Variants in NTM observed in about 807,000 individuals in gnomAD.
The protein encoded by NTM is IgLON family member 2.
A neutral mutation model predicts 42.1 loss-of-function variants in NTM; 13 were observed. The ratio of observed to expected loss-of-function variants is 0.31; its 90% confidence interval spans 0.20 to 0.49. The LOEUF (loss-of-function observed/expected upper bound fraction) is 0.49. Ranked by LOEUF, NTM falls within the 20% of genes least tolerant of loss-of-function variation. The pLI is 0.99. For synonymous variants in NTM, 187 were observed against 179.2 expected, an observed-to-expected ratio of 1.04 and a Z score of -0.35; for missense variants, 373 against 452.8, an observed-to-expected ratio of 0.82 and a Z score of 1.60.
At chr11:132,087,487 T>G (rs1250494851) in intron 2 of NTM, among the ~76,000 whole-genome samples, 1 of 152,044 alleles carries the variant, frequency 6.6e-6, no homozygotes, top group Non-Finnish European at 1.5e-5. Context: ...TGGAATTGAG[T>G]TTGGGACAAA....
chr11:131,960,326 A>G lies in NTM; in HGVS notation c.167+48678A>G, dbSNP rs761489234. Among the ~76,000 whole-genome samples the G allele has an allele frequency of 3.2e-4, 49 of 152,138 alleles. 2 individuals are homozygous for G. The highest frequency in any genetic ancestry group is 2.2e-4 in the Non-Finnish European group (15 of 68,030). On this transcript the variant is annotated intron_variant, in intron 2 of 8. Transcript: ENST00000683400. Reference sequence around the variant, plus strand: ...TGTCATCTCCTACATGATCGTTAGGACTTAGGGGCTTCAGTTCTGCTAGAA... The same window carrying G: ...TGTCATCTCCTACATGATCGTTAGGGCTTAGGGGCTTCAGTTCTGCTAGAA...
intron 2 of NTM, among the ~76,000 whole-genome samples, chr11:132,036,938 C>G (rs909246208): frequency 1.3e-5 from 2 of 152,130 alleles, no homozygotes; most frequent in Non-Finnish European, 2.9e-5. Context: ...GGGGTCAGCA[C>G]TGAATGCACG....
intron 7 of NTM, among the ~76,000 whole-genome samples, chr11:132,320,815 G>C (rs577433006): frequency 6.6e-6 from 1 of 151,434 alleles, no homozygotes; most frequent in Non-Finnish European, 1.5e-5. Context: ...CTCCCAGTAC[G>C]CAGCTGGAGA....
chr11:131,788,032 T>C (rs780950185), intron 1 of NTM, among the ~76,000 whole-genome samples: 29 of 152,248 alleles, frequency 1.9e-4, no homozygotes, highest in Non-Finnish European at 3.7e-4. Context: ...TTGTTTTCTC[T>C]GTTTTCTTCT....
chr11:131,424,126 A>C (rs1307669494), intron 1 of NTM, among the ~76,000 whole-genome samples: 1 of 152,330 alleles, frequency 6.6e-6, no homozygotes, highest in East Asian at 1.9e-4. Context: ...CCTTTGACTG[A>C]CGTTATGATG....
At chr11:131,582,565 T>TA (rs2058502189) in intron 1 of NTM, among the ~76,000 whole-genome samples, 1 of 150,782 alleles carries the variant, frequency 6.6e-6, no homozygotes, top group African/African-American at 2.5e-5. Flanking sequence ...TAATTTTTTT[T>TA]AACTCTAGAT....
intron 1 of NTM, among the ~76,000 whole-genome samples, chr11:131,399,537 A>G (rs1944900177): frequency 6.6e-6 from 1 of 152,174 alleles, no homozygotes. Context: ...ACTGAAGAGG[A>G]TAGTTGAACT....
chr11:132,307,423 T>A (rs2095127781), intron 4 of NTM, among the ~76,000 whole-genome samples: 1 of 152,168 alleles, frequency 6.6e-6, no homozygotes, highest in South Asian at 2.1e-4. Context: ...AATCACTTAT[T>A]GGGACCAGTA....
chr11:132,104,044 A>AGAGTATAT (rs1313326659), intron 2 of NTM, among the ~76,000 whole-genome samples: 11 of 152,230 alleles, frequency 7.2e-5, no homozygotes, highest in Non-Finnish European at 1.2e-4. Flanking sequence ...GTCATTCTAC[A>AGAGTATAT]GAGTATATCT....
At chr11:131,681,770 C>T (rs1224570224) in intron 1 of NTM, among the ~76,000 whole-genome samples, 3 of 95,754 alleles carry the variant, frequency 3.1e-5, no homozygotes. Flanking sequence ...TGTGTGTGAG[C>T]GTGTGTGTTT....
intron 1 of NTM, among the ~76,000 whole-genome samples, chr11:131,496,490 G>A (rs567596970): frequency 5.9e-5 from 9 of 152,320 alleles, no homozygotes; most frequent in South Asian, 2.1e-4. Context: ...GGCCAGGGCC[G>A]GCACAACCGC....
chr11:132,091,498 T>C (rs1374077365), intron 2 of NTM, among the ~76,000 whole-genome samples: 1 of 151,972 alleles, frequency 6.6e-6, no homozygotes, highest in Non-Finnish European at 1.5e-5. Context: ...TTTATTTTAT[T>C]GAGACAAGGT....
chr11:131,558,051 C>T (rs1380280245), intron 1 of NTM, among the ~76,000 whole-genome samples: 1 of 152,154 alleles, frequency 6.6e-6, no homozygotes, highest in Non-Finnish European at 1.5e-5. Flanking sequence ...CCAGGAAGCG[C>T]CTTAATGAAC....
intron 1 of NTM, chr11:131,795,057 C>A: frequency 1.2e-6 from 1 of 806,782 alleles, no homozygotes; most frequent in Non-Finnish European, 1.5e-6. Context: ...AAAAAAACAG[C>A]ACTAGTGATG....
At chr11:131,528,093 CT>C (rs1176951852) in intron 1 of NTM, among the ~76,000 whole-genome samples, 1 of 152,170 alleles carries the variant, frequency 6.6e-6, no homozygotes, top group Non-Finnish European at 1.5e-5. Context: ...ACCTGGAAGA[CT>C]TCTGGTCCCA....
intron 1 of NTM, among the ~76,000 whole-genome samples, chr11:131,616,381 G>A (rs2061940881): frequency 1.3e-5 from 2 of 152,176 alleles, no homozygotes; most frequent in Non-Finnish European, 2.9e-5. Context: ...AAATGACCGC[G>A]GACGGAGGCA....
At position 131,586,780 on chromosome 11, in the gene NTM, C is replaced by T. The variant is rs12360837; in HGVS notation, c.82+215892C>T. On this transcript the variant is annotated intron_variant, in intron 1 of 8. Coordinates refer to ENST00000683400, the MANE Select transcript of NTM (RefSeq NM_001352005.2). ...TCTTAAGGTGCTTTAAAGAAAAAGA[C>T]GGTAGGTTTTCAAAAAGAAAATGGA... Among the ~76,000 whole-genome samples, 382 of 152,142 alleles carry T rather than the reference C, an allele frequency of 2.5e-3. 2 individuals carry two copies. Among genetic ancestry groups the T allele is most frequent in the East Asian group, 0.015 (77 of 5,166 alleles).
intron 7 of NTM, among the ~76,000 whole-genome samples, chr11:132,321,355 A>G (rs1055432375): frequency 3.9e-5 from 6 of 152,218 alleles, no homozygotes; most frequent in Non-Finnish European, 7.3e-5. Flanking sequence ...GGTGAAAACC[A>G]AGGCTCGAGA....
At chr11:131,432,279 A>C (rs1948717441) in intron 1 of NTM, among the ~76,000 whole-genome samples, 1 of 152,222 alleles carries the variant, frequency 6.6e-6, no homozygotes, top group African/African-American at 2.4e-5. Flanking sequence ...AATGTCAGAC[A>C]ACAAGACCTA....
Sources: allele counts gnomAD v4.1 joint callset (sites outside exome capture counted in the v4.1 genomes callset), GRCh38; gene constraint gnomAD v4.1.1; transcripts MANE v1.5; gene names NCBI Gene and HGNC (gene_info 2026-07-23, HGNC 2026-07-21).